The following SLC13A3 variants were observed in gnomAD, a reference collection of about 807,000 sequenced individuals.
SLC13A3 encodes Na(+)/dicarboxylate cotransporter 3.
In SLC13A3, 40 loss-of-function variants were observed where a neutral mutation model predicts 59.0. That is an observed-to-expected ratio of 0.68 (90% confidence interval 0.53 to 0.88). SLC13A3 has a LOEUF of 0.88. Ranked by LOEUF, SLC13A3 falls within the 40% of genes least tolerant of loss-of-function variation. SLC13A3 has a pLI of 0.00. For missense variants in SLC13A3, 699 were observed against 783.2 expected (o/e 0.89, Z 1.28); for synonymous variants, 317 against 330.3 (o/e 0.96, Z 0.44).
intron 1 of SLC13A3, among the ~76,000 whole-genome samples, chr20:46,620,448 CT>C (rs1325701908): frequency 6.6e-6 from 1 of 152,138 alleles, no homozygotes; most frequent in African/African-American, 2.4e-5. Flanking sequence ...AAAACAGCCC[CT>C]ATCAGAGCAA....
At chr20:46,628,363 T>C (rs2062699364) in intron 1 of SLC13A3, among the ~76,000 whole-genome samples, 2 of 151,882 alleles carry the variant, frequency 1.3e-5, no homozygotes, top group Non-Finnish European at 2.9e-5. Context: ...GAAGAAGGAG[T>C]AGCAGCTTCG....
intron 1 of SLC13A3, among the ~76,000 whole-genome samples, chr20:46,648,751 A>G (rs1292158911): frequency 6.6e-6 from 1 of 152,116 alleles, no homozygotes; most frequent in Non-Finnish European, 1.5e-5. Flanking sequence ...CTAAAAATAT[A>G]AAAATTAGCC....
chr20:46,567,222 C>T (rs2061988924), intron 10 of SLC13A3, among the ~76,000 whole-genome samples: 1 of 152,068 alleles, frequency 6.6e-6, no homozygotes, highest in African/African-American at 2.4e-5. Flanking sequence ...TGTATATATA[C>T]ACACATACAG....
intron 3 of SLC13A3, among the ~76,000 whole-genome samples, chr20:46,602,646 T>C (rs2062390978): frequency 6.6e-6 from 1 of 152,148 alleles, no homozygotes; most frequent in African/African-American, 2.4e-5. Context: ...TTTTTGGTTA[T>C]CACAGCTTGG....
intron 1 of SLC13A3, among the ~76,000 whole-genome samples, chr20:46,666,580 T>G (rs1335845117): frequency 2.0e-5 from 3 of 151,964 alleles, no homozygotes; most frequent in African/African-American, 7.3e-5. Flanking sequence ...CACGGCTCAC[T>G]GCAGCCTTGA....
chr20:46,651,811 G>A (rs1600617794), upstream of SLC13A3, among the ~76,000 whole-genome samples: 1 of 152,176 alleles, frequency 6.6e-6, no homozygotes, highest in Non-Finnish European at 1.5e-5. Flanking sequence ...ATCCTGGCAC[G>A]GCCACTTACT....
rs144413535 is a variant in SLC13A3 at position 46,603,109 on chromosome 20, T to C, written c.542-3072A>G. ...AGGAGAATTGCTTGAACCCAGGAGG[T>C]GGAGGTTACGGTGAGCTGAGATAGC... On this transcript the variant is annotated intron_variant, in intron 3 of 12. Coordinates refer to ENST00000279027, the MANE Select transcript of SLC13A3 (RefSeq NM_022829.6). Among the ~76,000 whole-genome samples the C allele has an allele frequency of 7.2e-3, 1,080 of 150,802 alleles. 7 individuals carry two copies. Among genetic ancestry groups the C allele is most frequent in the Non-Finnish European group, 0.012 (826 of 67,760 alleles).
intron 1 of SLC13A3, chr20:46,682,231 T>C (rs2063157027): frequency 6.6e-6 from 1 of 152,380 alleles, no homozygotes; most frequent in African/African-American, 2.4e-5. Flanking sequence ...ACGGGCCGAC[T>C]GTCTGATTTG....
chr20:46,583,803 T>C (rs1389655697), intron 8 of SLC13A3, 134 bp from the exon 9 acceptor site: 2 of 1,484,464 alleles, frequency 1.3e-6, no homozygotes, highest in Admixed American at 4.4e-5. Context: ...GCTGGGCCAC[T>C]GGATTCTGTC....
At chr20:46,669,372 T>C (rs1282996902) in intron 1 of SLC13A3, among the ~76,000 whole-genome samples, 1 of 152,090 alleles carries the variant, frequency 6.6e-6, no homozygotes, top group Non-Finnish European at 1.5e-5. Context: ...GAGCACTTAC[T>C]ATGCCCCACA....
At chr20:46,662,269 G>C (rs1347751038) in intron 1 of SLC13A3, among the ~76,000 whole-genome samples, 1 of 152,120 alleles carries the variant, frequency 6.6e-6, no homozygotes, top group Non-Finnish European at 1.5e-5. Flanking sequence ...TGATGGGGTG[G>C]TGTTAGAGTG....
intron 11 of SLC13A3, among the ~76,000 whole-genome samples, chr20:46,564,293 TG>T (rs1366089365): frequency 6.6e-6 from 1 of 152,240 alleles, no homozygotes; most frequent in African/African-American, 2.4e-5. Flanking sequence ...CCTCAGCTAG[TG>T]GGCCACCAGT....
intron 12 of SLC13A3, among the ~76,000 whole-genome samples, chr20:46,561,729 G>T (rs1411607644): frequency 6.6e-6 from 1 of 151,842 alleles, no homozygotes; most frequent in Non-Finnish European, 1.5e-5. Context: ...ACGGGTGGGG[G>T]ACATACTGCG....
upstream of SLC13A3, among the ~76,000 whole-genome samples, chr20:46,655,629 A>G (rs1364669358): frequency 6.8e-6 from 1 of 147,470 alleles, no homozygotes; most frequent in Non-Finnish European, 1.5e-5. Flanking sequence ...GTTGATAGAC[A>G]TTGGGTTGTT....
intron 1 of SLC13A3, among the ~76,000 whole-genome samples, chr20:46,627,920 G>A (rs1367996826): frequency 2.6e-5 from 4 of 152,192 alleles, no homozygotes; most frequent in Admixed American, 6.5e-5. Flanking sequence ...ACCATGCAGA[G>A]CCTAAGAGTA....
chr20:46,599,415 T>C (rs2062350258), intron 4 of SLC13A3, among the ~76,000 whole-genome samples: 1 of 152,216 alleles, frequency 6.6e-6, no homozygotes, highest in African/African-American at 2.4e-5. Context: ...CTACATTATC[T>C]CATTGTCTCA....
intron 1 of SLC13A3, among the ~76,000 whole-genome samples, chr20:46,676,882 G>A (rs188930343): frequency 8.7e-4 from 133 of 152,294 alleles, no homozygotes; most frequent in African/African-American, 3.1e-3. Flanking sequence ...CGCCAGGGTG[G>A]CCAGGAGGGG....
chr20:46,649,258 T>G (rs2062928966), intron 1 of SLC13A3, among the ~76,000 whole-genome samples: 1 of 152,154 alleles, frequency 6.6e-6, no homozygotes, highest in Non-Finnish European at 1.5e-5. Context: ...TCTCCCTGCT[T>G]TCCATTCAGT....
upstream of SLC13A3, among the ~76,000 whole-genome samples, chr20:46,672,983 C>T (rs1237370289): frequency 1.3e-5 from 2 of 152,098 alleles, no homozygotes; most frequent in African/African-American, 4.8e-5. Flanking sequence ...CCCACAAAAT[C>T]ATGATGTATT....
Sources: gnomAD v4.1 joint callset for allele counts (sites outside exome capture counted in the v4.1 genomes callset) on GRCh38, gnomAD v4.1.1 for gene constraint, MANE v1.5 for transcripts, NCBI Gene and HGNC (gene_info 2026-07-23, HGNC 2026-07-21) for gene names.